COL23A1: variants seen among roughly 807,000 people sequenced by gnomAD.
COL23A1 encodes the protein collagen type XXIII alpha 1 chain.
COL23A1 carries 97 observed loss-of-function variants against 99.3 expected under a neutral mutation model. That is an observed-to-expected ratio of 0.98 (90% CI 0.83 to 1.16). COL23A1 has a LOEUF of 1.16. Among genes scored for constraint, COL23A1 ranks in the 50% most tolerant of loss-of-function variants. COL23A1 has a pLI of 0.00. For synonymous variants in COL23A1, 320 were observed against 308.2 expected, an observed-to-expected ratio of 1.04 and a Z score of -0.40; for missense variants, 762 against 757.4, an observed-to-expected ratio of 1.01 and a Z score of -0.07.
At chr5:178,239,215 G>A (rs776025761) in intron 27 of COL23A1, 36 bp from the exon 28 acceptor site, 1 of 1,612,332 alleles carries the variant, frequency 6.2e-7, no homozygotes, top group South Asian at 1.1e-5. Context: ...TGGGGATGGG[G>A]CCTGGGGAGC....
chr5:178,300,265 A>C (rs997684935), intron 3 of COL23A1, among the ~76,000 whole-genome samples: 3 of 145,736 alleles, frequency 2.1e-5, no homozygotes, highest in African/African-American at 2.6e-5. Flanking sequence ...TTCAGTAGAG[A>C]CCATCTTGGC....
intron 2 of COL23A1, among the ~76,000 whole-genome samples, chr5:178,501,606 G>A (rs1581514397): frequency 6.6e-6 from 1 of 151,816 alleles, no homozygotes; most frequent in Non-Finnish European, 1.5e-5. Flanking sequence ...GCAAAAGCCT[G>A]CTCTTTCTAG....
chr5:178,359,034 G>T (rs1432204360), intron 2 of COL23A1, among the ~76,000 whole-genome samples: 1 of 152,186 alleles, frequency 6.6e-6, no homozygotes, highest in African/African-American at 2.4e-5. Context: ...GAAGAGGAAA[G>T]GGTGATCTAT....
chr5:178,443,686 G>A (rs958754418), intron 2 of COL23A1, among the ~76,000 whole-genome samples: 2 of 151,286 alleles, frequency 1.3e-5, no homozygotes, highest in East Asian at 3.9e-4. Flanking sequence ...TCAAACTCCT[G>A]ACCTCAAGTG....
intron 5 of COL23A1, among the ~76,000 whole-genome samples, chr5:178,273,156 C>G (rs1031473391): frequency 6.6e-6 from 1 of 152,228 alleles, no homozygotes; most frequent in South Asian, 2.1e-4. Flanking sequence ...ATGTGAAGCA[C>G]GCAGAGCCAC....
chr5:178,589,025 G>C lies in COL23A1; in HGVS notation c.294+879C>G, dbSNP rs896520344. ...AGGGCCTGTCCAGTTTCGTGGGGAG[G>C]GGAACTGCCGCACATGCCGCACACA... On this transcript the variant is annotated intron_variant, in intron 1 of 28. Coordinates refer to ENST00000390654, the MANE Select transcript of COL23A1 (RefSeq NM_173465.4). The surrounding 1 kb of genome is among the most constrained non-coding windows in gnomAD (Gnocchi z 5.4). Among the ~76,000 whole-genome samples the C allele has an allele frequency of 3.3e-5, 5 of 152,132 alleles. No individual in the cohort carries two copies. The highest frequency in any genetic ancestry group is 1.2e-4 in the African/African-American group (5 of 41,436).
chr5:178,428,416 A>AG lies in COL23A1; in HGVS notation c.362-121498dup, dbSNP rs1348130381. On this transcript the variant is annotated intron_variant, in intron 2 of 28. Transcript: ENST00000390654. The surrounding 1 kb of genome is among the most constrained non-coding windows in gnomAD (Gnocchi z 5.0). ...AAACCTACCAAGATAACAGGGAACC[A>AG]GGGGCAGCTTCCAGGGCCCCTTCCT... 2.0e-5 allele frequency among the ~76,000 whole-genome samples: 3 copies of AG among 152,212 alleles called. No homozygotes were observed. The highest frequency in any genetic ancestry group is 4.4e-5 in the Non-Finnish European group (3 of 68,032).
intron 2 of COL23A1, among the ~76,000 whole-genome samples, chr5:178,514,987 C>T (rs1400408173): frequency 6.6e-6 from 1 of 152,254 alleles, no homozygotes; most frequent in Non-Finnish European, 1.5e-5. Context: ...CTATTTCCCT[C>T]CAGAGTCCAG....
chr5:178,478,870 A>G (rs966721669), intron 2 of COL23A1, among the ~76,000 whole-genome samples: 1 of 152,166 alleles, frequency 6.6e-6, no homozygotes, highest in African/African-American at 2.4e-5. Context: ...AGGCACAGAG[A>G]TCCTGGCTCC....
chr5:178,334,172 G>A (rs866352704), intron 2 of COL23A1, among the ~76,000 whole-genome samples: 3 of 152,138 alleles, frequency 2.0e-5, no homozygotes, highest in African/African-American at 7.2e-5. Flanking sequence ...TCTGGAGTGC[G>A]GCTGTGATGC....
chr5:178,530,990 C>T (rs1349645409), intron 2 of COL23A1, among the ~76,000 whole-genome samples: 1 of 152,190 alleles, frequency 6.6e-6, no homozygotes, highest in Non-Finnish European at 1.5e-5. Flanking sequence ...GCCTCAGCCT[C>T]CCAAGTAGCT....
intron 1 of COL23A1, among the ~76,000 whole-genome samples, chr5:178,561,356 A>G (rs1296675059): frequency 6.6e-6 from 1 of 152,206 alleles, no homozygotes; most frequent in African/African-American, 2.4e-5. Flanking sequence ...AAAATTTAAC[A>G]AGAATCCCTA....
chr5:178,565,635 T>TA (rs1762805739), intron 1 of COL23A1, among the ~76,000 whole-genome samples: 1 of 152,134 alleles, frequency 6.6e-6, no homozygotes, highest in African/African-American at 2.4e-5. Flanking sequence ...CAATTGCTAT[T>TA]ATCTTATCTA....
chr5:178,320,329 C>G (rs1759223464), intron 2 of COL23A1, among the ~76,000 whole-genome samples: 1 of 152,148 alleles, frequency 6.6e-6, no homozygotes, highest in Admixed American at 6.5e-5. Context: ...AATGGTTGGC[C>G]TCGCTGGCAC....
At chr5:178,361,510 C>A (rs1294348126) in intron 2 of COL23A1, among the ~76,000 whole-genome samples, 1 of 152,058 alleles carries the variant, frequency 6.6e-6, no homozygotes, top group Non-Finnish European at 1.5e-5. Context: ...CATTCCTCTG[C>A]GGGCTCCACC....
chr5:178,492,988 A>T (rs996553507), intron 2 of COL23A1, among the ~76,000 whole-genome samples: 1 of 152,206 alleles, frequency 6.6e-6, no homozygotes, highest in African/African-American at 2.4e-5. Flanking sequence ...GGCCCTTGGT[A>T]AGCTGCTCTT....
chr5:178,402,543 T>C (rs1764506268), intron 2 of COL23A1, among the ~76,000 whole-genome samples: 2 of 152,136 alleles, frequency 1.3e-5, no homozygotes, highest in African/African-American at 4.8e-5. Flanking sequence ...CATTTCAAAA[T>C]AGCTAGAAAA....
At chr5:178,397,358 A>C (rs1321646802) in intron 2 of COL23A1, among the ~76,000 whole-genome samples, 4 of 152,236 alleles carry the variant, frequency 2.6e-5, no homozygotes, top group Non-Finnish European at 5.9e-5. Context: ...GAGGCGGGGC[A>C]AGGATTTAAG....
At position 178,432,924 on chromosome 5, in the gene COL23A1, C is replaced by A. The variant is rs73336665; in HGVS notation, c.362-126005G>T. Among the ~76,000 whole-genome samples, 152 of 152,270 alleles carry A rather than the reference C, an allele frequency of 1.0e-3. 1 individual carries two copies. Among genetic ancestry groups the A allele is most frequent in the African/African-American group, 3.5e-3 (144 of 41,562 alleles). The stretch of plus-strand genomic sequence containing the variant: ...CCCCAGAGCTCCCTTCACCCACCAA[C>A]CAATTCTGGCAACTCGAATCCACCA... On this transcript the variant is annotated intron_variant, in intron 2 of 28. Coordinates refer to ENST00000390654, the MANE Select transcript of COL23A1 (RefSeq NM_173465.4).
Sources: allele counts gnomAD v4.1 joint callset (sites outside exome capture counted in the v4.1 genomes callset), GRCh38; gene constraint gnomAD v4.1.1; non-coding constraint Gnocchi (gnomAD v3.1); transcripts MANE v1.5; gene names NCBI Gene and HGNC (gene_info 2026-07-23, HGNC 2026-07-21).